SH3GL2: variants seen among roughly 807,000 people sequenced by gnomAD.
SH3GL2 encodes the protein endophilin-A1.
In SH3GL2, 24 loss-of-function variants were observed where a neutral mutation model predicts 46.0. The ratio of observed to expected loss-of-function variants is 0.52; its 90% CI spans 0.38 to 0.73. The LOEUF is 0.73. Among genes scored for constraint, SH3GL2 ranks in the 30% least tolerant of loss-of-function variants. The pLI, the probability that SH3GL2 is intolerant of heterozygous loss-of-function variation, is 0.00. For missense variants in SH3GL2, 413 were observed against 424.2 expected (o/e 0.97, Z 0.23); for synonymous variants, 196 against 147.1 (o/e 1.33, Z -2.40).
chr9:17,750,537 C>T (rs1822813424), intron 2 of SH3GL2, among the ~76,000 whole-genome samples: 1 of 152,114 alleles, frequency 6.6e-6, no homozygotes, highest in Admixed American at 6.6e-5. Context: ...TGTAGGATCC[C>T]TGCCCATCAT....
chr9:17,660,927 T>G (rs1820196636), intron 1 of SH3GL2, among the ~76,000 whole-genome samples: 1 of 152,096 alleles, frequency 6.6e-6, no homozygotes, highest in Non-Finnish European at 1.5e-5. Context: ...TTTGGGAGGC[T>G]TAGGTGGGCG....
intron 1 of SH3GL2, among the ~76,000 whole-genome samples, chr9:17,598,843 G>A (rs1050404613): frequency 3.9e-5 from 6 of 152,194 alleles, no homozygotes; most frequent in Non-Finnish European, 5.9e-5. Context: ...CTAAGGCACA[G>A]GGAAGTGTAG....
chr9:17,711,861 GTA>G (rs1821633793), intron 1 of SH3GL2, among the ~76,000 whole-genome samples: 2 of 151,790 alleles, frequency 1.3e-5, no homozygotes, highest in African/African-American at 4.8e-5. Context: ...TGTGGTAGAT[GTA>G]TGTTTAACTT....
At chr9:17,689,629 G>C (rs1344310683) in intron 1 of SH3GL2, among the ~76,000 whole-genome samples, 1 of 140,280 alleles carries the variant, frequency 7.1e-6, no homozygotes, top group African/African-American at 3.3e-5. Context: ...TGCTACTCTG[G>C]CCTGGTTGCT....
intron 1 of SH3GL2, among the ~76,000 whole-genome samples, chr9:17,724,299 A>G (rs72614243): frequency 0.066 from 10,091 of 152,102 alleles, 457 homozygotes; most frequent in Admixed American, 0.13. Context: ...GCAAATTTTT[A>G]TACTCTTCAA....
At chr9:17,584,019 C>A (rs1161140372) in intron 1 of SH3GL2, among the ~76,000 whole-genome samples, 1 of 152,112 alleles carries the variant, frequency 6.6e-6, no homozygotes, top group Non-Finnish European at 1.5e-5. Context: ...GTTGCTTGAC[C>A]CAGGATTTCT....
At chr9:17,792,725 C>T (rs527594401) in intron 7 of SH3GL2, among the ~76,000 whole-genome samples, 2 of 152,308 alleles carry the variant, frequency 1.3e-5, no homozygotes, top group South Asian at 4.1e-4. Flanking sequence ...TTAGTTCTCT[C>T]CTTAAACCTC....
chr9:17,728,811 T>A (rs1822094148), intron 1 of SH3GL2, among the ~76,000 whole-genome samples: 1 of 152,200 alleles, frequency 6.6e-6, no homozygotes, highest in South Asian at 2.1e-4. Flanking sequence ...GAACTCATTA[T>A]TTTTTATGGC....
At chr9:17,751,479 CGTGTGTGTGTGT>C (rs58212352) in intron 2 of SH3GL2, among the ~76,000 whole-genome samples, 5 of 146,364 alleles carry the variant, frequency 3.4e-5, no homozygotes, top group South Asian at 2.2e-4. Context: ...TTTGTGTGTG[CGTGTGTGTGTGT>C]GTGTGTGTGT....
At chr9:17,791,978 A>G (rs1824143027) in intron 7 of SH3GL2, among the ~76,000 whole-genome samples, 1 of 152,202 alleles carries the variant, frequency 6.6e-6, no homozygotes, top group South Asian at 2.1e-4. Flanking sequence ...TTGGCTATAT[A>G]CCAGTGGCCC....
chr9:17,666,133 T>C (rs1033739566), intron 1 of SH3GL2, among the ~76,000 whole-genome samples: 3 of 151,986 alleles, frequency 2.0e-5, no homozygotes, highest in African/African-American at 7.2e-5. Flanking sequence ...TGTTTGCTTA[T>C]GGTTCTTTGT....
chr9:17,603,442 TAGAC>T (rs1011824070), intron 1 of SH3GL2, among the ~76,000 whole-genome samples: 1 of 152,122 alleles, frequency 6.6e-6, no homozygotes, highest in African/African-American at 2.4e-5. Flanking sequence ...GTCAAATTCA[TAGAC>T]AGAAAGTAGA....
intron 1 of SH3GL2, among the ~76,000 whole-genome samples, chr9:17,603,412 C>G (rs532443686): frequency 6.6e-6 from 1 of 152,258 alleles, no homozygotes; most frequent in Non-Finnish European, 1.5e-5. Context: ...TGTGATCCCA[C>G]TTATAAGGTA....
At chr9:17,737,079 A>T (rs1197048075) in intron 1 of SH3GL2, among the ~76,000 whole-genome samples, 1 of 152,158 alleles carries the variant, frequency 6.6e-6, no homozygotes, top group Non-Finnish European at 1.5e-5. Context: ...GGAAACCATC[A>T]TTCTCAGCAA....
chr9:17,698,804 A>AT lies in SH3GL2; in HGVS notation c.46-48255dup, dbSNP rs369582395. Among the ~76,000 whole-genome samples, 360 of 152,192 alleles carry AT rather than the reference A, an allele frequency of 2.4e-3. 4 individuals are homozygous for AT. The highest frequency in any genetic ancestry group is 6.8e-3 in the Middle Eastern group (2 of 294). ...TTGAAGGGAAGTAAGGTGTTTATTC[A>AT]TTTTTTTCTTTTAGCTTTTGTTCTT... On this transcript the variant is annotated intron_variant, in intron 1 of 8. Coordinates refer to ENST00000380607, the MANE Select transcript of SH3GL2 (RefSeq NM_003026.5).
intron 1 of SH3GL2, among the ~76,000 whole-genome samples, chr9:17,581,135 A>G (rs1420911268): frequency 6.6e-6 from 1 of 152,262 alleles, no homozygotes; most frequent in Non-Finnish European, 1.5e-5. Context: ...TTAGTATAAA[A>G]TACTATCCCT....
intron 1 of SH3GL2, among the ~76,000 whole-genome samples, chr9:17,703,737 T>C (rs1261485067): frequency 1.3e-5 from 2 of 152,068 alleles, no homozygotes; most frequent in Non-Finnish European, 1.5e-5. Flanking sequence ...GAAAAGGCTT[T>C]TAATACAATT....
chr9:17,672,532 C>G (rs1365280220), intron 1 of SH3GL2, among the ~76,000 whole-genome samples: 1 of 152,106 alleles, frequency 6.6e-6, no homozygotes, highest in African/African-American at 2.4e-5. Context: ...ATTTAGTTTT[C>G]AAGCTTTAGT....
rs111846693 is a variant in SH3GL2, at chr9:17,619,602, C to A, written c.45+40315C>A. Among the ~76,000 whole-genome samples, 1,315 of 151,942 alleles carry A rather than the reference C, an allele frequency of 8.7e-3. 22 individuals are homozygous for A. Among genetic ancestry groups the A allele is most frequent in the African/African-American group, 0.03 (1,244 of 41,364 alleles). The stretch of plus-strand genomic sequence containing the variant: ...CTGAGGCAGGAGATTCGTTTGAACC[C>A]GGGAGGCAGAGGTTGCAGTGAGCCA... On this transcript the variant is annotated intron_variant, in intron 1 of 8. Transcript: ENST00000380607.
Sources: gnomAD v4.1 joint callset for allele counts (sites outside exome capture counted in the v4.1 genomes callset) on GRCh38, gnomAD v4.1.1 for gene constraint, MANE v1.5 for transcripts, NCBI Gene and HGNC (gene_info 2026-07-23, HGNC 2026-07-21) for gene names.